LRRIQ1: variants seen among roughly 807,000 people sequenced by gnomAD.
The protein encoded by LRRIQ1 is leucine rich repeats and IQ motif containing 1, also known as leucine-rich repeat- and IQ domain-containing protein 1.
A neutral mutation model predicts 211.9 loss-of-function variants in LRRIQ1; 210 were observed. The ratio of observed to expected loss-of-function variants is 0.99; its 90% CI spans 0.89 to 1.11. The LOEUF is 1.11. Ranked by LOEUF, LRRIQ1 falls within the 50% of genes most tolerant of loss-of-function variation. The pLI, the probability that LRRIQ1 is intolerant of heterozygous loss-of-function variation, is 0.00. For missense variants in LRRIQ1, 2,136 were observed against 1,939.5 expected (o/e 1.10, Z -1.90); for synonymous variants, 699 against 650.1 (o/e 1.08, Z -1.14).
chr12:85,221,653 C>G (rs2137131882), intron 24 of LRRIQ1, among the ~76,000 whole-genome samples: 1 of 152,096 alleles, frequency 6.6e-6, no homozygotes, highest in African/African-American at 2.4e-5. Flanking sequence ...TGCATAGTCC[C>G]AAGCATAGAA....
intron 7 of LRRIQ1, among the ~76,000 whole-genome samples, chr12:85,054,657 T>A (rs924196970): frequency 6.6e-5 from 10 of 152,130 alleles, no homozygotes; most frequent in African/African-American, 2.4e-4. Flanking sequence ...TTTTGAAGTT[T>A]TTTTTTAAGT....
rs745954946 is a variant in LRRIQ1, at chr12:85,047,488, T to C, written c.678+18T>C. 6.3e-7 allele frequency: 1 copy of C among 1,593,694 alleles called. No homozygotes were observed. On this transcript the variant is annotated intron_variant, in intron 6 of 26. Transcript: ENST00000393217. The stretch of plus-strand genomic sequence containing the variant: ...TTCAGAAGGTATTTTGCTTTTGTTT[T>C]TCATGTATTTTTAAAATCAGTAGCT...
chr12:85,124,584 G>T, intron 17 of LRRIQ1, 65 bp downstream of exon 17: 1 of 1,204,772 alleles, frequency 8.3e-7, no homozygotes, highest in Non-Finnish European at 1.2e-6. Flanking sequence ...GATGATATTA[G>T]TCAATGGTAC....
At chr12:85,090,877 A>C (rs941671228) in intron 11 of LRRIQ1, among the ~76,000 whole-genome samples, 2 of 152,110 alleles carry the variant, frequency 1.3e-5, no homozygotes, top group African/African-American at 4.8e-5. Context: ...AGGGGTGGAT[A>C]AATATCTAAA....
chr12:85,090,563 T>G (rs140775984), intron 11 of LRRIQ1, among the ~76,000 whole-genome samples: 26 of 152,314 alleles, frequency 1.7e-4, no homozygotes, highest in African/African-American at 6.0e-4. Flanking sequence ...TTTTGGAGCT[T>G]TAAGATTTAA....
chr12:85,250,894 T>TTTATATA (rs1895907749), intron 1 of LRRIQ1, among the ~76,000 whole-genome samples: 27 of 78,704 alleles, frequency 3.4e-4, no homozygotes, highest in African/African-American at 3.1e-3. Flanking sequence ...TATAATATAT[T>TTTATATA]TTATATATTA....
At chr12:85,069,141 C>T (rs1191915275) in intron 10 of LRRIQ1, among the ~76,000 whole-genome samples, 1 of 141,138 alleles carries the variant, frequency 7.1e-6, no homozygotes, top group African/African-American at 2.6e-5. Context: ...CACCCTGTGT[C>T]CATGTGTTCT....
At chr12:85,153,847 C>G (rs570559181) in intron 22 of LRRIQ1, 89 bp downstream of exon 22, 1 of 970,176 alleles carries the variant, frequency 1.0e-6, no homozygotes, top group Non-Finnish European at 1.5e-6. Flanking sequence ...TTAAGAATAC[C>G]TATATTAGTT....
intron 24 of LRRIQ1, among the ~76,000 whole-genome samples, chr12:85,185,417 A>G (rs1892177822): frequency 6.6e-6 from 1 of 151,832 alleles, no homozygotes; most frequent in African/African-American, 2.4e-5. Context: ...TGCTTCTTAG[A>G]GTTTATCTGA....
chr12:85,230,954 A>G (rs1894908456), intron 25 of LRRIQ1, among the ~76,000 whole-genome samples: 1 of 152,112 alleles, frequency 6.6e-6, no homozygotes, highest in Admixed American at 6.5e-5. Context: ...AGGCTGAGGC[A>G]GGAGAATGGC....
chr12:85,232,795 A>C (rs758226952), intron 26 of LRRIQ1, 39 bp downstream of exon 26: 1 of 1,401,344 alleles, frequency 7.1e-7, no homozygotes, highest in South Asian at 1.2e-5. Flanking sequence ...AATGTTGTAG[A>C]CACTAGTGCT....
chr12:85,255,849 T>C (rs1319689202), intron 1 of LRRIQ1, among the ~76,000 whole-genome samples: 4 of 151,732 alleles, frequency 2.6e-5, no homozygotes, highest in Non-Finnish European at 5.9e-5. Context: ...ACCCTTAAAA[T>C]AGTCTACTGA....
intron 24 of LRRIQ1, among the ~76,000 whole-genome samples, chr12:85,217,059 C>T (rs900115925): frequency 5.3e-5 from 8 of 151,904 alleles, no homozygotes; most frequent in African/African-American, 1.7e-4. Context: ...ATAATGCAAA[C>T]AGTATTTTAA....
At chr12:85,250,924 A>T (rs187319264) in intron 1 of LRRIQ1, among the ~76,000 whole-genome samples, 6,057 of 79,560 alleles carry the variant, frequency 0.076, 1,476 homozygotes, top group African/African-American at 0.49. Context: ...TATTTTATAT[A>T]TTATATATTA....
At chr12:85,192,908 T>A (rs1199123414) in intron 24 of LRRIQ1, among the ~76,000 whole-genome samples, 5 of 97,400 alleles carry the variant, frequency 5.1e-5, no homozygotes, top group Non-Finnish European at 7.1e-5. Flanking sequence ...ACTATAATTA[T>A]ACATAAATAT....
intron 11 of LRRIQ1, among the ~76,000 whole-genome samples, chr12:85,084,880 C>A: frequency 6.6e-6 from 1 of 150,884 alleles, no homozygotes; most frequent in East Asian, 2.0e-4. Context: ...GAGCTGAGAT[C>A]GCGCCACTGC....
At chr12:85,036,586 G>C (rs1231676231) in intron 1 of LRRIQ1, among the ~76,000 whole-genome samples, 179 bp downstream of exon 1, 1 of 152,012 alleles carries the variant, frequency 6.6e-6, no homozygotes, top group Non-Finnish European at 1.5e-5. Flanking sequence ...TGGAGATTTC[G>C]AGAACTCATT....
chr12:85,179,295 C>A (rs1231625081), intron 24 of LRRIQ1, among the ~76,000 whole-genome samples: 2 of 151,952 alleles, frequency 1.3e-5, no homozygotes, highest in Non-Finnish European at 2.9e-5. Context: ...CCACTGACTT[C>A]AGTGTCTCTT....
chr12:85,071,705 G>A (rs1883100854), intron 10 of LRRIQ1, among the ~76,000 whole-genome samples: 2 of 152,158 alleles, frequency 1.3e-5, no homozygotes, highest in Non-Finnish European at 1.5e-5. Context: ...CACGGCTGGG[G>A]CCTCAAAATC....
Sources: gnomAD v4.1 joint callset for allele counts (sites outside exome capture counted in the v4.1 genomes callset) on GRCh38, gnomAD v4.1.1 for gene constraint, MANE v1.5 for transcripts, NCBI Gene and HGNC (gene_info 2026-07-23, HGNC 2026-07-21) for gene names.